The following ARK2C variants were observed in gnomAD, a reference collection of about 807,000 sequenced individuals.
ARK2C encodes E3 ubiquitin-protein ligase ARK2C.
At chr18:46,423,611 C>T in the ARK2C span, among the ~76,000 whole-genome samples, 12 of 152,120 alleles carry the variant, frequency 7.9e-5, no homozygotes, top group African/African-American at 2.4e-4. Flanking sequence ...GCTGGAAGGC[C>T]GTGACACTGA....
chr18:46,377,071 T>TA, the ARK2C span, among the ~76,000 whole-genome samples: 1 of 152,144 alleles, frequency 6.6e-6, no homozygotes, highest in Admixed American at 6.5e-5. Context: ...CAATGCATCT[T>TA]ACATGTACTA....
the ARK2C span, chr18:46,450,301 C>T: frequency 2.5e-6 from 4 of 1,612,970 alleles, no homozygotes; most frequent in Non-Finnish European, 3.4e-6. Flanking sequence ...AACAGGTCGT[C>T]CATGAAATCC....
At chr18:46,386,621 T>A in the ARK2C span, 1 of 151,934 alleles carries the variant, frequency 6.6e-6, no homozygotes, top group Non-Finnish European at 1.5e-5. Flanking sequence ...AGATAATTAT[T>A]AAGTGCTCAT....
At chr18:46,459,200 G>A in the ARK2C span, 1 of 152,282 alleles carries the variant, frequency 6.6e-6, no homozygotes. Context: ...GGGGAGGCCA[G>A]GATAGAACTA....
At chr18:46,452,520 T>A in the ARK2C span, among the ~76,000 whole-genome samples, 1 of 152,176 alleles carries the variant, frequency 6.6e-6, no homozygotes, top group African/African-American at 2.4e-5. Context: ...TCTCAAGTGA[T>A]CCACCCACCT....
the ARK2C span, among the ~76,000 whole-genome samples, chr18:46,453,099 CTG>C: frequency 8.5e-4 from 129 of 152,300 alleles, no homozygotes; most frequent in African/African-American, 3.0e-3. Context: ...ATGTCAAAGA[CTG>C]TGAATCAGTA....
chr18:46,345,590 A>C, the ARK2C span, among the ~76,000 whole-genome samples: 2 of 152,236 alleles, frequency 1.3e-5, no homozygotes, highest in African/African-American at 4.8e-5. Flanking sequence ...TGCGCAGCAG[A>C]GAGCAGAGTC....
At chr18:46,448,758 TG>T in the ARK2C span, among the ~76,000 whole-genome samples, 1 of 152,206 alleles carries the variant, frequency 6.6e-6, no homozygotes, top group Non-Finnish European at 1.5e-5. Flanking sequence ...TGGGGGCCTT[TG>T]GGCTCCTGAC....
the ARK2C span, among the ~76,000 whole-genome samples, chr18:46,373,630 G>A: frequency 1.3e-5 from 2 of 152,360 alleles, no homozygotes; most frequent in East Asian, 3.9e-4. Context: ...GCTGAGTGCT[G>A]CCACACTGGC....
At chr18:46,383,641 GC>G in the ARK2C span, among the ~76,000 whole-genome samples, 1 of 140,978 alleles carries the variant, frequency 7.1e-6, no homozygotes, top group South Asian at 2.2e-4. Flanking sequence ...TGCAAGCTCT[GC>G]CTCCAGGGTT....
At chr18:46,416,370 C>T in the ARK2C span, among the ~76,000 whole-genome samples, 2 of 152,186 alleles carry the variant, frequency 1.3e-5, no homozygotes, top group African/African-American at 4.8e-5. Flanking sequence ...ATCCTTCCCT[C>T]CCTCCATCCG....
the ARK2C span, among the ~76,000 whole-genome samples, chr18:46,349,836 T>TA: frequency 6.6e-6 from 1 of 152,210 alleles, no homozygotes; most frequent in Non-Finnish European, 1.5e-5. Context: ...CAGCACCTGA[T>TA]GCTCACATCA....
chr18:46,435,293 A>T, the ARK2C span: 1 of 1,613,890 alleles, frequency 6.2e-7, no homozygotes, highest in Non-Finnish European at 8.5e-7. Context: ...GTGCAGGCGG[A>T]GTCAGGAGCG....
the ARK2C span, among the ~76,000 whole-genome samples, chr18:46,421,467 T>C: frequency 6.6e-6 from 1 of 152,242 alleles, no homozygotes; most frequent in Non-Finnish European, 1.5e-5. Context: ...AGACCTAGGC[T>C]CTGCCTTCAT....
At chr18:46,350,227 A>C in the ARK2C span, among the ~76,000 whole-genome samples, 2 of 152,208 alleles carry the variant, frequency 1.3e-5, no homozygotes, top group Non-Finnish European at 2.9e-5. Flanking sequence ...TTTCAACAGG[A>C]GATGCAGGCC....
At chr18:46,346,443 A>AG in the ARK2C span, among the ~76,000 whole-genome samples, 86,393 of 151,948 alleles carry the variant, frequency 0.57, 25,993 homozygotes, top group East Asian at 0.74. Context: ...CCTTGGGTTT[A>AG]GGGCCTCCTC....
At chr18:46,363,945 C>CTTTTTTTTTTTTTTTTTTTTTCT in the ARK2C span, among the ~76,000 whole-genome samples, 3 of 125,576 alleles carry the variant, frequency 2.4e-5, no homozygotes, top group Admixed American at 8.0e-5. Flanking sequence ...TTTTTCTTTT[C>CTTTTTTTTTTTTTTTTTTTTTCT]TTTTTTTTTT....
the ARK2C span, among the ~76,000 whole-genome samples, chr18:46,358,734 C>G: frequency 4.6e-5 from 7 of 152,184 alleles, no homozygotes; most frequent in Non-Finnish European, 1.0e-4. Flanking sequence ...CCTTCTTGTC[C>G]CTACACTGAC....
chr18:46,367,300 A>G, the ARK2C span, among the ~76,000 whole-genome samples: 1 of 152,140 alleles, frequency 6.6e-6, no homozygotes, highest in African/African-American at 2.4e-5. Flanking sequence ...TGAGGTTTCC[A>G]TTTGCTTTAA....
Sources: gnomAD v4.1 joint callset for allele counts (sites outside exome capture counted in the v4.1 genomes callset) on GRCh38, gnomAD v4.1.1 for gene constraint, MANE v1.5 for transcripts, NCBI Gene and HGNC (gene_info 2026-07-23, HGNC 2026-07-21) for gene names.